Variants in KRAS observed in about 807,000 individuals in gnomAD.
KRAS encodes GTPase KRas.
KRAS carries 1 observed loss-of-function variant against 21.0 expected under a neutral mutation model. The ratio of observed to expected loss-of-function variants is 0.05; its 90% confidence interval spans 0.02 to 0.23. The LOEUF is 0.23. Among genes scored for constraint, KRAS ranks in the 10% least tolerant of loss-of-function variants. The pLI is 1.00. For synonymous variants in KRAS, 67 were observed against 72.5 expected (o/e 0.92, Z 0.39); for missense variants, 107 against 221.8 (o/e 0.48, Z 3.29).
intron 4 of KRAS, among the ~76,000 whole-genome samples, chr12:25,214,561 G>A (rs577660250): frequency 6.6e-6 from 1 of 151,896 alleles, no homozygotes; most frequent in African/African-American, 2.4e-5. Context: ...CTAATTTTTT[G>A]TATTTTTAGT....
At chr12:25,247,520 A>G (rs1203073005) in intron 1 of KRAS, among the ~76,000 whole-genome samples, 2 of 152,202 alleles carry the variant, frequency 1.3e-5, no homozygotes, top group Admixed American at 6.5e-5. Context: ...GGCCAAAGCA[A>G]TTAGGAATAG....
At chr12:25,217,845 G>C (rs1272051563) in intron 4 of KRAS, among the ~76,000 whole-genome samples, 1 of 152,146 alleles carries the variant, frequency 6.6e-6, no homozygotes. Context: ...ATTGAGCTAT[G>C]ACTGCACCAC....
intron 2 of KRAS, among the ~76,000 whole-genome samples, chr12:25,232,852 C>T (rs1159451674): frequency 6.6e-6 from 1 of 152,094 alleles, no homozygotes; most frequent in Non-Finnish European, 1.5e-5. Context: ...TTTCTGGTGA[C>T]ATAATAAGCA....
chr12:25,222,140 C>T (rs1438753632), intron 4 of KRAS, among the ~76,000 whole-genome samples: 2 of 123,568 alleles, frequency 1.6e-5, no homozygotes, highest in East Asian at 2.6e-4. Context: ...CAAAGCAAGA[C>T]TCCGTCTCAA....
At chr12:25,224,861 G>A (rs568442320) in intron 4 of KRAS, among the ~76,000 whole-genome samples, 3 of 152,206 alleles carry the variant, frequency 2.0e-5, no homozygotes, top group Non-Finnish European at 4.4e-5. Flanking sequence ...TTCTTAGAAA[G>A]TATCCCTGTC....
intron 4 of KRAS, among the ~76,000 whole-genome samples, chr12:25,219,988 A>T (rs895925042): frequency 5.9e-5 from 9 of 152,368 alleles, no homozygotes; most frequent in Admixed American, 3.9e-4. Context: ...TAGGTTCGTA[A>T]AACTAATTTT....
At chr12:25,246,540 G>A (rs61759627) in intron 1 of KRAS, among the ~76,000 whole-genome samples, 16,480 of 148,480 alleles carry the variant, frequency 0.11, 1,354 homozygotes, top group East Asian at 0.26. Flanking sequence ...ATTGGGTGAC[G>A]GAGTAAGACT....
At chr12:25,215,091 T>TA (rs775121370) in intron 4 of KRAS, 25,512 of 87,552 alleles carry the variant, frequency 0.29, 4,273 homozygotes, top group African/African-American at 0.42. Context: ...TTCTCCCTAC[T>TA]AAAAAAAAAA....
At chr12:25,238,804 T>C (rs558918431) in intron 2 of KRAS, among the ~76,000 whole-genome samples, 5 of 152,356 alleles carry the variant, frequency 3.3e-5, no homozygotes, top group East Asian at 3.9e-4. Flanking sequence ...CCATTCTCTA[T>C]TGGTAGACAT....
chr12:25,213,595 A>T (rs1009991519), intron 4 of KRAS, among the ~76,000 whole-genome samples: 5 of 152,240 alleles, frequency 3.3e-5, no homozygotes, highest in Admixed American at 6.5e-5. Context: ...TTAGTAGATT[A>T]GTACACCACG....
chr12:25,247,793 C>T (rs1440449360), intron 1 of KRAS, among the ~76,000 whole-genome samples: 1 of 152,124 alleles, frequency 6.6e-6, no homozygotes. Flanking sequence ...TATAAGAATC[C>T]ATATCTTCTA....
intron 1 of KRAS, among the ~76,000 whole-genome samples, chr12:25,248,997 T>C (rs1951726409): frequency 6.6e-6 from 1 of 152,244 alleles, no homozygotes; most frequent in Non-Finnish European, 1.5e-5. Flanking sequence ...AGCTGATAAT[T>C]ACAAATAGAC....
intron 2 of KRAS, among the ~76,000 whole-genome samples, chr12:25,237,541 C>A (rs979201741): frequency 6.6e-6 from 1 of 152,114 alleles, no homozygotes; most frequent in African/African-American, 2.4e-5. Flanking sequence ...GATATACATA[C>A]ATGTCTGGTG....
intron 4 of KRAS, among the ~76,000 whole-genome samples, chr12:25,213,952 G>C (rs1328318937): frequency 6.6e-6 from 1 of 152,162 alleles, no homozygotes; most frequent in Admixed American, 6.5e-5. Context: ...GGTGTGCAAA[G>C]ATTAAAAATA....
intron 2 of KRAS, among the ~76,000 whole-genome samples, chr12:25,227,994 A>G (rs1033120533): frequency 1.1e-4 from 16 of 152,202 alleles, no homozygotes; most frequent in Non-Finnish European, 2.1e-4. Context: ...TAGTATATAC[A>G]TACAGTGGAA....
chr12:25,238,661 T>C (rs776090993), intron 2 of KRAS, among the ~76,000 whole-genome samples: 52 of 152,192 alleles, frequency 3.4e-4, no homozygotes, highest in Non-Finnish European at 1.3e-4. Context: ...GATGAAATCA[T>C]ACTCAACACA....
chr12:25,218,267 A>G (rs1044047018), intron 4 of KRAS, among the ~76,000 whole-genome samples: 1 of 152,120 alleles, frequency 6.6e-6, no homozygotes, highest in Non-Finnish European at 1.5e-5. Context: ...AGAAGTACCA[A>G]AACATACTAT....
chr12:25,208,538 C>T lies in KRAS; in HGVS notation c.*1257G>A, dbSNP rs190606609. On this transcript the variant is annotated 3_prime_UTR_variant, in exon 5 of 5. Transcript: ENST00000311936. ...AAATTAATGTCTTGGCACACCACCA[C>T]CCCAAAATCTCAACTTTTGAGTTAA... 13 of 233,248 alleles carry T rather than the reference C, an allele frequency of 5.6e-5. No individual in the cohort carries two copies. The highest frequency in any genetic ancestry group is 8.5e-5 in the Non-Finnish European group (10 of 117,858). The allele number at this position is 233,248 out of a possible 1,614,324, so 14.4% of individuals were successfully genotyped here. A position where few individuals can be genotyped will look rare whatever the true frequency, so the allele number is the denominator to read the frequency against.
At chr12:25,214,395 T>C (rs1293722164) in intron 4 of KRAS, among the ~76,000 whole-genome samples, 1 of 151,890 alleles carries the variant, frequency 6.6e-6, no homozygotes, top group Non-Finnish European at 1.5e-5. Flanking sequence ...GACTTTTTTT[T>C]TTTTTTTTTG....
Sources: gnomAD v4.1 joint callset for allele counts (sites outside exome capture counted in the v4.1 genomes callset) on GRCh38, gnomAD v4.1.1 for gene constraint, MANE v1.5 for transcripts, NCBI Gene and HGNC (gene_info 2026-07-23, HGNC 2026-07-21) for gene names.